Variants in ZIC4 observed in about 807,000 individuals in gnomAD.
ZIC4 encodes the protein Zic family zinc finger 4.
ZIC4 carries 15 observed loss-of-function variants against 28.8 expected under a neutral mutation model. The observed-to-expected ratio is 0.52, with a 90% CI of 0.35 to 0.80. The LOEUF is 0.80. Among genes scored for constraint, ZIC4 ranks in the 30% least tolerant of loss-of-function variants. The pLI, the probability that ZIC4 is intolerant of heterozygous loss-of-function variation, is 0.01. For missense variants in ZIC4, 512 were observed against 467.1 expected, an observed-to-expected ratio of 1.10 and a Z score of -0.89; for synonymous variants, 220 against 198.1, an observed-to-expected ratio of 1.11 and a Z score of -0.93.
chr3:147,404,244 G>T, intron 1 of ZIC4: 3 of 1,441,158 alleles, frequency 2.1e-6, no homozygotes, highest in Non-Finnish European at 1.8e-6. Context: ...CACCCATAAG[G>T]CAGCCCCAAC....
At position 147,388,420 on chromosome 3, in the gene ZIC4, G is replaced by T. The variant is rs1406875706; in HGVS notation, c.*439C>A. ...TAGAAACTCGCCATCAAACCCAAAC[G>T]CGCCCTCTGATCACCGCAGAAAGCA... On this transcript the variant is annotated 3_prime_UTR_variant, in exon 5 of 5. Coordinates refer to ENST00000383075, the MANE Select transcript of ZIC4 (RefSeq NM_032153.6). 2 of 181,584 alleles carry T rather than the reference G, an allele frequency of 1.1e-5. No homozygotes were observed. The highest frequency in any genetic ancestry group is 2.3e-5 in the Non-Finnish European group (2 of 88,050). 11.2% of individuals were successfully genotyped at this position (181,584 alleles called of 1,614,324 possible).
Position 147,395,973 on chromosome 3 carries a change from G to A in ZIC4, c.567C>T (p.Tyr189=). Residue 189 remains tyrosine (Y), a synonymous_variant, in exon 3 of 5, where the codon TAC becomes TAT. Coordinates refer to ENST00000383075, the MANE Select transcript of ZIC4 (RefSeq NM_032153.6). ...PRQGKPFKAK[Y]KLVNHIRVHT... is the part of the protein sequence containing the mutation. ...GCACGCGGATGTGATTTACAAGTTT[G>A]TATTTGGCTTTGAAGGGCTTTCCCT... is the stretch of plus-strand genomic sequence containing the variant. 1.2e-6 allele frequency: 2 copies of A among 1,614,232 alleles called. No individual in the cohort carries two copies. Among genetic ancestry groups the A allele is most frequent in the Non-Finnish European group, 1.7e-6 (2 of 1,180,046 alleles).
chr3:147,395,524 T>C (rs1332009276), intron 3 of ZIC4, among the ~76,000 whole-genome samples: 2 of 152,182 alleles, frequency 1.3e-5, no homozygotes. Flanking sequence ...TCTTATGTCT[T>C]TACGACTTTG....
At chr3:147,397,473 A>G (rs549969420) in intron 2 of ZIC4, among the ~76,000 whole-genome samples, 6 of 151,664 alleles carry the variant, frequency 4.0e-5, no homozygotes, top group African/African-American at 9.7e-5. Flanking sequence ...CCCGGGCACA[A>G]ATCCTTTTCT....
rs1464381615 is a variant in ZIC4, at chr3:147,386,623, C to A, written c.*2236G>T. On this transcript the variant is annotated 3_prime_UTR_variant, in exon 5 of 5. Transcript: ENST00000383075. ...TATTTATTTAAACCACCTTTAAAAC[C>A]ACCACAGGAGTTTTGGGGAAACCTG... is the stretch of plus-strand genomic sequence containing the variant. The A allele has an allele frequency of 6.6e-6, 1 of 152,330 alleles. No homozygotes were observed. The highest frequency in any genetic ancestry group is 1.5e-5 in the Non-Finnish European group (1 of 68,026). The allele number at this position is 152,330 out of a possible 1,614,324, so 9.4% of individuals were successfully genotyped here.
rs959685848 is a variant in ZIC4 at position 147,396,649 on chromosome 3, C to G, written c.71-180G>C. 2.4e-5 allele frequency: 17 copies of G among 713,322 alleles called. No individual in the cohort carries two copies. The highest frequency in any genetic ancestry group is 2.4e-4 in the African/African-American group (13 of 54,698). The allele number at this position is 713,322 out of a possible 1,614,324, so 44.2% of individuals were successfully genotyped here. A position where few individuals can be genotyped will look rare whatever the true frequency, so the allele number is the denominator to read the frequency against. ...GACAGAGCAAGGCCAAACACCTCCG[C>G]CGCCATTGGGCCGAATTGCTGTTGG... On this transcript the variant is annotated intron_variant, in intron 2 of 4. Coordinates refer to ENST00000383075, the MANE Select transcript of ZIC4 (RefSeq NM_032153.6). The surrounding 1 kb of genome is among the most constrained non-coding windows in gnomAD (Gnocchi z 4.2).
At position 147,387,403 on chromosome 3, in the gene ZIC4, C is replaced by T. The variant is rs577249559; in HGVS notation, c.*1456G>A. The T allele has an allele frequency of 2.5e-4, 38 of 152,664 alleles. No individual in the cohort carries two copies. The highest frequency in any genetic ancestry group is 2.1e-4 in the Non-Finnish European group (14 of 68,016). The allele number at this position is 152,664 out of a possible 1,614,324, so 9.5% of individuals were successfully genotyped here. A position where few individuals can be genotyped will look rare whatever the true frequency, so the allele number is the denominator to read the frequency against. ...CAAAGAACCTTTTACGTTTCATCAG[C>T]GTTGTTAGGACGACAAGCAGGAATG... On this transcript the variant is annotated 3_prime_UTR_variant, in exon 5 of 5. Transcript: ENST00000383075.
rs754956169 is a variant in ZIC4 at position 147,396,559 on chromosome 3, G to A, written c.71-90C>T. The A allele has an allele frequency of 8.5e-6, 12 of 1,419,768 alleles. 1 individual carries two copies. The South Asian group carries it at 1.5e-4, about 18-fold the overall frequency. 87.9% of individuals were successfully genotyped at this position (1,419,768 alleles called of 1,614,324 possible). ...CCCGGGGGGCAGGCCCAGCCCTGCC[G>A]CACTACGGCCTCTGCAGTCAGCCGT... On this transcript the variant is annotated intron_variant, in intron 2 of 4. Coordinates refer to ENST00000383075, the MANE Select transcript of ZIC4 (RefSeq NM_032153.6). The surrounding 1 kb of genome is among the most constrained non-coding windows in gnomAD (Gnocchi z 4.2).
At chr3:147,394,174 G>A (rs2086989091) in intron 3 of ZIC4, among the ~76,000 whole-genome samples, 1 of 151,438 alleles carries the variant, frequency 6.6e-6, no homozygotes, top group African/African-American at 2.4e-5. Flanking sequence ...TGACTAGGAG[G>A]GGGATTTGAG....
chr3:147,391,316 C>G lies in ZIC4; in HGVS notation c.689-70G>C, dbSNP rs769535826. 14 of 1,455,046 alleles carry G rather than the reference C, an allele frequency of 9.6e-6. No homozygotes were observed. In the Admixed American group the frequency reaches 1.3e-4, roughly 13 times the overall value. 90.1% of individuals were successfully genotyped at this position (1,455,046 alleles called of 1,614,324 possible). On this transcript the variant is annotated intron_variant, in intron 3 of 4. Coordinates refer to ENST00000383075, the MANE Select transcript of ZIC4 (RefSeq NM_032153.6). ...CCCGTCAGGTGCTTGCCACCCTCCC[C>G]CATTCGTCTCTCATTTTCTGGAAAA...
intron 3 of ZIC4, chr3:147,393,675 C>G (rs1020317762): frequency 8.6e-5 from 25 of 292,122 alleles, no homozygotes; most frequent in Non-Finnish European, 1.6e-4. Flanking sequence ...CTGGTTGTCC[C>G]GGCGACTGCG....
At chr3:147,395,106 G>A (rs967070711) in intron 3 of ZIC4, among the ~76,000 whole-genome samples, 2 of 152,206 alleles carry the variant, frequency 1.3e-5, no homozygotes, top group African/African-American at 4.8e-5. Flanking sequence ...TTCACAGGCT[G>A]TTCTGGAAGT....
At chr3:147,392,920 G>A (rs984776176) in intron 3 of ZIC4, 1 of 151,970 alleles carries the variant, frequency 6.6e-6, no homozygotes, top group Non-Finnish European at 1.5e-5. Flanking sequence ...GTGATAGAAA[G>A]ATGCGGAATA....
intron 1 of ZIC4, chr3:147,404,221 A>G: frequency 6.9e-7 from 1 of 1,459,546 alleles, no homozygotes; most frequent in Non-Finnish European, 9.0e-7. Context: ...GAGGTTCCCT[A>G]GAGATCCCTG....
intron 2 of ZIC4, among the ~76,000 whole-genome samples, chr3:147,402,314 C>G (rs2087182129): frequency 1.3e-5 from 2 of 152,204 alleles, no homozygotes; most frequent in Non-Finnish European, 2.9e-5. Flanking sequence ...TCATCCAGAT[C>G]AAAGTCTGCT....
At chr3:147,392,518 G>A in intron 3 of ZIC4, 1 of 885,478 alleles carries the variant, frequency 1.1e-6, no homozygotes, top group Non-Finnish European at 1.4e-6. Context: ...CGGAAATGGG[G>A]GAAGAAGGTT....
At chr3:147,399,103 T>A (rs900593395) in intron 2 of ZIC4, among the ~76,000 whole-genome samples, 7 of 151,876 alleles carry the variant, frequency 4.6e-5, no homozygotes, top group Middle Eastern at 6.8e-3. Flanking sequence ...AAAAAAAAAA[T>A]TAGAGAAGAG....
At chr3:147,390,082 C>A (rs1356094345) in intron 4 of ZIC4, among the ~76,000 whole-genome samples, 1 of 152,166 alleles carries the variant, frequency 6.6e-6, no homozygotes, top group African/African-American at 2.4e-5. Context: ...ACTCCCTACT[C>A]CAAGTATACA....
chr3:147,386,186 C>T lies in ZIC4; in HGVS notation c.*2673G>A, dbSNP rs971041194. On this transcript the variant is annotated 3_prime_UTR_variant, in exon 5 of 5. Transcript: ENST00000383075. ...ACATTTATATATTTACAAGATCAAGCCATGGCTTTCAACTTTGTTGTTCAT... is the reference window on the plus strand; with the variant it reads ...ACATTTATATATTTACAAGATCAAGTCATGGCTTTCAACTTTGTTGTTCAT... The T allele has an allele frequency of 2.0e-5, 3 of 152,234 alleles. No individual in the cohort carries two copies. Among genetic ancestry groups the T allele is most frequent in the Non-Finnish European group, 4.4e-5 (3 of 68,048 alleles). 9.4% of individuals were successfully genotyped at this position (152,234 alleles called of 1,614,324 possible).
Sources: gnomAD v4.1 joint callset for allele counts (sites outside exome capture counted in the v4.1 genomes callset) on GRCh38, gnomAD v4.1.1 for gene constraint, Gnocchi (gnomAD v3.1) non-coding constraint, MANE v1.5 for transcripts, NCBI Gene and HGNC (gene_info 2026-07-23, HGNC 2026-07-21) for gene names.